Variants in PTK7 observed in about 807,000 individuals in gnomAD.
The protein encoded by PTK7 is protein tyrosine kinase 7 (inactive), also known as inactive tyrosine-protein kinase 7.
Under a neutral mutation model 116.6 loss-of-function variants are expected in PTK7, and 39 were observed. That is an observed-to-expected ratio of 0.33 (90% CI 0.26 to 0.44). PTK7 has a LOEUF of 0.44. PTK7 is among the 20% of genes least tolerant of loss of function. The pLI, the probability that PTK7 is intolerant of heterozygous loss-of-function variation, is 1.00. For missense variants in PTK7, 1,169 were observed against 1,425.6 expected (o/e 0.82, Z 2.90); for synonymous variants, 546 against 563.6 (o/e 0.97, Z 0.44).
intron 1 of PTK7, among the ~76,000 whole-genome samples, chr6:43,102,864 A>G (rs1486671992): frequency 6.6e-6 from 1 of 152,044 alleles, no homozygotes; most frequent in Non-Finnish European, 1.5e-5. Flanking sequence ...GCGTGTACCC[A>G]TCGTCCCAGC....
chr6:43,110,241 C>G (rs1768121514), intron 1 of PTK7, among the ~76,000 whole-genome samples: 1 of 152,076 alleles, frequency 6.6e-6, no homozygotes, highest in African/African-American at 2.4e-5. Context: ...CTGCCTGCCT[C>G]AGCTTTCCAA....
At chr6:43,155,889 G>A (rs762225636) in intron 17 of PTK7, among the ~76,000 whole-genome samples, 2 of 151,966 alleles carry the variant, frequency 1.3e-5, no homozygotes, top group Admixed American at 6.6e-5. Flanking sequence ...TCATAATAAC[G>A]CTGTTCTTAA....
intron 1 of PTK7, among the ~76,000 whole-genome samples, chr6:43,095,726 C>T (rs1481525128): frequency 6.6e-6 from 1 of 152,080 alleles, no homozygotes; most frequent in Non-Finnish European, 1.5e-5. Flanking sequence ...AAATGTTCTT[C>T]CTGATTGTTT....
chr6:43,083,026 A>T (rs894304344), intron 1 of PTK7, among the ~76,000 whole-genome samples: 13 of 152,318 alleles, frequency 8.5e-5, no homozygotes, highest in South Asian at 6.2e-4. Flanking sequence ...TCTGTGTTTA[A>T]GCCAATGCAG....
Position 43,130,283 on chromosome 6 carries a change from A to T in PTK7, c.524A>T (p.Asn175Ile), listed in dbSNP as rs771554221. Residue 175 changes from asparagine to isoleucine, a missense_variant, in exon 4 of 20, where the codon AAC becomes ATC. Asn to Ile is a moderately radical substitution (Grantham distance 149, BLOSUM62 -3). Around this residue, in one of 3 missense-constraint regions of PTK7, gnomAD observed 487 missense variants for 549.8 expected, o/e 0.89. Transcript: ENST00000230419. ...ACCCCCCTTTCTGATGGTCAGAGCA[A>T]CCACACAGTCAGCAGCAAGGAGCGG... ...DGTPLSDGQS[N>I]HTVSSKERNL... is the part of the protein sequence containing the mutation. 1 of 1,610,014 alleles carries T rather than the reference A, an allele frequency of 6.2e-7. No homozygotes were observed. Among genetic ancestry groups the T allele is most frequent in the South Asian group, 1.1e-5 (1 of 90,896 alleles).
chr6:43,160,082 C>CAGAT, intron 19 of PTK7, 116 bp downstream of exon 19: 7 of 1,050,242 alleles, frequency 6.7e-6, no homozygotes, highest in Non-Finnish European at 9.7e-6. Flanking sequence ...AGCAGGCACA[C>CAGAT]AGATACAACC....
chr6:43,088,690 A>AAAAT (rs57382055), intron 1 of PTK7, among the ~76,000 whole-genome samples: 14,673 of 149,186 alleles, frequency 0.098, 829 homozygotes, highest in African/African-American at 0.11. Flanking sequence ...ACGCCATCTC[A>AAAAT]AAATAAATAA....
chr6:43,103,458 T>G (rs1238654098), intron 1 of PTK7, among the ~76,000 whole-genome samples: 1 of 149,632 alleles, frequency 6.7e-6, no homozygotes. Context: ...GTATTACAGG[T>G]GTGTGTGTGT....
intron 1 of PTK7, among the ~76,000 whole-genome samples, chr6:43,103,456 GGT>G (rs3840390): frequency 1.0e-4 from 15 of 150,082 alleles, no homozygotes; most frequent in Non-Finnish European, 1.6e-4. Context: ...GAGTATTACA[GGT>G]GTGTGTGTGT....
intron 1 of PTK7, among the ~76,000 whole-genome samples, chr6:43,127,800 G>A (rs1769387807): frequency 1.3e-5 from 2 of 152,276 alleles, no homozygotes; most frequent in Non-Finnish European, 1.5e-5. Context: ...GTGGTGGCGG[G>A]CACCTGTAGT....
chr6:43,113,621 T>C (rs1453214262), intron 1 of PTK7, among the ~76,000 whole-genome samples: 1 of 152,080 alleles, frequency 6.6e-6, no homozygotes, highest in Non-Finnish European at 1.5e-5. Context: ...AGCCAAGTGC[T>C]TTGCCCTTGC....
At chr6:43,125,835 G>A (rs948618992) in intron 1 of PTK7, among the ~76,000 whole-genome samples, 3 of 152,182 alleles carry the variant, frequency 2.0e-5, no homozygotes, top group Non-Finnish European at 4.4e-5. Context: ...CACACTGAGT[G>A]TAACAGGTCA....
At chr6:43,104,970 G>A (rs1172613025) in intron 1 of PTK7, among the ~76,000 whole-genome samples, 1 of 151,812 alleles carries the variant, frequency 6.6e-6, no homozygotes, top group Non-Finnish European at 1.5e-5. Context: ...CCGCCACCAT[G>A]CTCAGCTAAT....
At chr6:43,152,683 C>T (rs1771189582) in intron 17 of PTK7, among the ~76,000 whole-genome samples, 1 of 152,096 alleles carries the variant, frequency 6.6e-6, no homozygotes, top group South Asian at 2.1e-4. Context: ...CATATAGCAA[C>T]TGTACACTTG....
chr6:43,144,606 G>A lies in PTK7; in HGVS notation c.2407G>A (p.Gly803Arg), dbSNP rs1457187064. Residue 803 changes from glycine (G) to arginine (R), a missense_variant and splice_region_variant, in exon 15 of 20, where the codon GGG becomes AGG. Gly to Arg is a moderately radical substitution (Grantham distance 125). This residue lies in a region of PTK7 where 678 missense variants were observed against 853.8 expected (regional missense o/e 0.79). Transcript: ENST00000230419. ...TAGCCTGCAGCCCATCACCACGCTG[G>A]GTATGTTGCCTTGACTACAGCTGCC... ...RSSLQPITTL[G>R]KSEFGEVFLA... 1 of 1,607,812 alleles carries A rather than the reference G, an allele frequency of 6.2e-7. No individual in the cohort carries two copies. Among genetic ancestry groups the A allele is most frequent in the Admixed American group, 1.7e-5 (1 of 59,744 alleles).
intron 1 of PTK7, among the ~76,000 whole-genome samples, chr6:43,107,018 G>A (rs2150397660): frequency 6.6e-6 from 1 of 151,894 alleles, no homozygotes; most frequent in South Asian, 2.1e-4. Flanking sequence ...CACCTCCCAG[G>A]TTAAAGCGAT....
chr6:43,130,741 C>G (rs1769620740), intron 5 of PTK7, 80 bp downstream of exon 5: 8 of 1,517,494 alleles, frequency 5.3e-6, no homozygotes, highest in Non-Finnish European at 7.3e-6. Flanking sequence ...ATTTGTATCA[C>G]AGACATCACA....
rs1341324081 is a variant in PTK7 at position 43,139,256 on chromosome 6, C to T, written c.1483C>T (p.Arg495Cys). 1.9e-6 allele frequency: 3 copies of T among 1,614,138 alleles called. No individual in the cohort carries two copies. Among genetic ancestry groups the T allele is most frequent in the Non-Finnish European group, 2.5e-6 (3 of 1,180,044 alleles). ...AGCCGGCAGCATCGAGGCGCAAGCCCGTGTCCAAGTGCTGGGTGAGCCAGC... is the reference window on the plus strand; with the variant it reads ...AGCCGGCAGCATCGAGGCGCAAGCCTGTGTCCAAGTGCTGGGTGAGCCAGC... ...TPAGSIEAQA[R>C]VQVLEKLKFT... is the part of the protein sequence containing the mutation. Residue 495 changes from arginine to cysteine, a missense_variant, in exon 9 of 20, where the codon CGT becomes TGT. Arg to Cys is a radical substitution (Grantham distance 180, BLOSUM62 -3). This residue lies in a region of PTK7 where 678 missense variants were observed against 853.8 expected (regional missense o/e 0.79). Coordinates refer to ENST00000230419, the MANE Select transcript of PTK7 (RefSeq NM_002821.5). The surrounding 1 kb of genome is among the most constrained non-coding windows in gnomAD (Gnocchi z 4.6).
chr6:43,078,255 G>A (rs1169706412), intron 1 of PTK7, among the ~76,000 whole-genome samples: 1 of 151,902 alleles, frequency 6.6e-6, no homozygotes, highest in Non-Finnish European at 1.5e-5. Context: ...GGTGTTTAGT[G>A]TGTGTGCGCG....
Sources: allele counts gnomAD v4.1 joint callset (sites outside exome capture counted in the v4.1 genomes callset), GRCh38; gene constraint gnomAD v4.1.1; regional missense constraint gnomAD v4.1.1; non-coding constraint Gnocchi (gnomAD v3.1); transcripts MANE v1.5; gene names NCBI Gene and HGNC (gene_info 2026-07-23, HGNC 2026-07-21).